Variants in EIF4ENIF1 observed in about 807,000 individuals in gnomAD.
The protein encoded by EIF4ENIF1 is eukaryotic translation initiation factor 4E transporter.
EIF4ENIF1 carries 23 observed loss-of-function variants against 110.5 expected under a neutral mutation model. The observed-to-expected ratio is 0.21, with a 90% CI of 0.15 to 0.29. EIF4ENIF1 has a LOEUF of 0.29. Ranked by LOEUF, EIF4ENIF1 falls within the 10% of genes least tolerant of loss-of-function variation. The pLI is 1.00. For synonymous variants in EIF4ENIF1, 440 were observed against 437.0 expected (o/e 1.01, Z -0.09); for missense variants, 1,031 against 1,221.1 (o/e 0.84, Z 2.32).
chr22:31,475,567 C>T (rs2051540520), intron 2 of EIF4ENIF1, among the ~76,000 whole-genome samples: 1 of 152,034 alleles, frequency 6.6e-6, no homozygotes, highest in Non-Finnish European at 1.5e-5. Context: ...GCCTGGCCAA[C>T]ATGGTGAAAC....
chr22:31,458,697 C>G, intron 6 of EIF4ENIF1, 47 bp from the exon 7 acceptor site: 1 of 1,492,676 alleles, frequency 6.7e-7, no homozygotes, highest in African/African-American at 1.4e-5. Context: ...TAAATCACTC[C>G]AGTGTCCCTC....
At chr22:31,468,062 G>T in intron 4 of EIF4ENIF1, 113 bp downstream of exon 4, 1 of 1,454,164 alleles carries the variant, frequency 6.9e-7, no homozygotes, top group Non-Finnish European at 9.3e-7. Context: ...TCAGTTTCCT[G>T]ATAATGACAT....
At chr22:31,473,035 G>GT (rs1009614593) in intron 2 of EIF4ENIF1, among the ~76,000 whole-genome samples, 24 of 141,284 alleles carry the variant, frequency 1.7e-4, no homozygotes, top group Non-Finnish European at 3.7e-4. Context: ...ACGAAGCCAA[G>GT]TTTTTTTGGC....
intron 7 of EIF4ENIF1, among the ~76,000 whole-genome samples, chr22:31,456,323 A>C (rs1328918355): frequency 3.4e-5 from 5 of 149,190 alleles, no homozygotes; most frequent in South Asian, 4.2e-4. Flanking sequence ...TCCCGGGTTC[A>C]CACCATTCTC....
In EIF4ENIF1 at chr22:31,447,421, T is replaced by A; in HGVS notation, c.1988+5A>T. 1.2e-6 allele frequency: 2 copies of A among 1,608,658 alleles called. No individual in the cohort carries two copies. Among genetic ancestry groups the A allele is most frequent in the Non-Finnish European group, 1.7e-6 (2 of 1,178,966 alleles). Reference sequence around the variant, plus strand: ...ATCTCCACATGAGCAGGATTAGTAATTTACCTGTTTCTGAATCCATCTCTG... The same window carrying A: ...ATCTCCACATGAGCAGGATTAGTAAATTACCTGTTTCTGAATCCATCTCTG... On this transcript the variant is annotated splice_donor_5th_base_variant and intron_variant, in intron 14 of 18. Coordinates refer to ENST00000330125, the MANE Select transcript of EIF4ENIF1 (RefSeq NM_019843.4).
At chr22:31,464,967 A>G (rs1256581805) in intron 4 of EIF4ENIF1, among the ~76,000 whole-genome samples, 1 of 151,726 alleles carries the variant, frequency 6.6e-6, no homozygotes, top group African/African-American at 2.4e-5. Context: ...AAGACAAGCC[A>G]CAGACTGAGA....
chr22:31,465,505 A>T (rs2051155400), intron 4 of EIF4ENIF1, among the ~76,000 whole-genome samples: 1 of 152,196 alleles, frequency 6.6e-6, no homozygotes, highest in Non-Finnish European at 1.5e-5. Context: ...AATGGCTAAA[A>T]TTTAAATGAC....
chr22:31,447,465 T>C lies in EIF4ENIF1; in HGVS notation c.1949A>G (p.Lys650Arg), dbSNP rs2050510948. ...ATCTCTGGTTCTGTCCACCTGTGGT[T>C]TGCCAAAACCAGGCTGGTAGAAGTT... ...AANFYQPGFG[K>R]PQVDRTRDGF... is the part of the protein sequence containing the mutation. Residue 650 changes from lysine to arginine, a missense_variant, in exon 14 of 19, where the codon AAA (lysine) becomes AGA (arginine). By Grantham distance (26) the Lys-to-Arg change is conservative. This residue lies in a region of EIF4ENIF1 where 704 missense variants were observed against 879.7 expected (regional missense o/e 0.80). Transcript: ENST00000330125. The C allele has an allele frequency of 1.2e-5, 19 of 1,613,540 alleles. No individual in the cohort carries two copies. Among genetic ancestry groups the C allele is most frequent in the Non-Finnish European group, 1.5e-5 (18 of 1,179,878 alleles).
At chr22:31,473,734 A>G (rs945238580) in intron 2 of EIF4ENIF1, among the ~76,000 whole-genome samples, 2 of 152,170 alleles carry the variant, frequency 1.3e-5, no homozygotes, top group African/African-American at 2.4e-5. Flanking sequence ...TCTGTCCTTT[A>G]TCTATGGTGC....
intron 4 of EIF4ENIF1, among the ~76,000 whole-genome samples, chr22:31,466,638 G>A (rs1191521385): frequency 8.1e-6 from 1 of 124,194 alleles, no homozygotes; most frequent in African/African-American, 3.1e-5. Flanking sequence ...AGGGGGAAGT[G>A]TTGTGGGGGG....
In EIF4ENIF1 at chr22:31,441,854, T is replaced by C. The variant is rs1273489678; in HGVS notation, c.2471A>G (p.His824Arg). 1 of 1,614,112 alleles carries C rather than the reference T, an allele frequency of 6.2e-7. No homozygotes were observed. The highest frequency in any genetic ancestry group is 1.1e-5 in the South Asian group (1 of 91,082). ...CTGTACCAACCCTGGGTGAAGCTGGTGAGCAGGCCTAACCATAGGGACATG... is the reference window on the plus strand; with the variant it reads ...CTGTACCAACCCTGGGTGAAGCTGGCGAGCAGGCCTAACCATAGGGACATG... Reference protein sequence around the residue: ...VPHVPMVRPAHQLHPGLVQRM... With the variant: ...VPHVPMVRPARQLHPGLVQRM... The change falls in exon 17 of 19, where the codon CAC becomes CGC. Residue 824 changes from histidine to arginine, a missense_variant. By Grantham distance (29) the His-to-Arg change is conservative (BLOSUM62 0). Around this residue, in one of 3 missense-constraint regions of EIF4ENIF1, gnomAD observed 309 missense variants for 299.1 expected, o/e 1.03. Coordinates refer to ENST00000330125, the MANE Select transcript of EIF4ENIF1 (RefSeq NM_019843.4).
At chr22:31,493,068 C>G (rs1051910872), upstream of EIF4ENIF1, among the ~76,000 whole-genome samples, 2 of 151,020 alleles carry the variant, frequency 1.3e-5, no homozygotes, top group Middle Eastern at 3.4e-3. Context: ...GAGTCTCGCT[C>G]TGTCGTCCAG....
downstream of EIF4ENIF1, among the ~76,000 whole-genome samples, chr22:31,438,214 A>G (rs12628465): frequency 0.036 from 5,509 of 152,276 alleles, 436 homozygotes; most frequent in East Asian, 0.34. Context: ...AACTCTGGTA[A>G]ATTAACTTGA....
chr22:31,470,685 CTTT>C (rs1174357066), intron 3 of EIF4ENIF1, among the ~76,000 whole-genome samples: 10 of 122,072 alleles, frequency 8.2e-5, no homozygotes, highest in African/African-American at 1.2e-4. Flanking sequence ...TTAAATAGGA[CTTT>C]TTTTTTTTTT....
At chr22:31,470,613 A>G (rs1167228181) in intron 3 of EIF4ENIF1, among the ~76,000 whole-genome samples, 1 of 150,548 alleles carries the variant, frequency 6.6e-6, no homozygotes, top group Non-Finnish European at 1.5e-5. Context: ...GATGGTTTAT[A>G]TTAGTATTAG....
At chr22:31,447,920 T>C (rs1374974790) in intron 13 of EIF4ENIF1, among the ~76,000 whole-genome samples, 3 of 152,148 alleles carry the variant, frequency 2.0e-5, no homozygotes, top group Non-Finnish European at 4.4e-5. Flanking sequence ...GCCTCCTGTG[T>C]AGCTGGGACT....
At chr22:31,463,992 G>A (rs2051088491) in intron 4 of EIF4ENIF1, 25 bp from the exon 5 acceptor site, 1 of 1,597,396 alleles carries the variant, frequency 6.3e-7, no homozygotes, top group African/African-American at 1.3e-5. Flanking sequence ...GAAAGACAAA[G>A]TTAAACAAAC....
At chr22:31,467,841 C>T (rs137973646) in intron 4 of EIF4ENIF1, among the ~76,000 whole-genome samples, 48 of 152,094 alleles carry the variant, frequency 3.2e-4, no homozygotes, top group African/African-American at 1.1e-3. Flanking sequence ...TAATTTATAC[C>T]GGAGGACTGG....
chr22:31,444,056 T>C (rs2050387145), intron 15 of EIF4ENIF1, among the ~76,000 whole-genome samples: 1 of 152,142 alleles, frequency 6.6e-6, no homozygotes, highest in Non-Finnish European at 1.5e-5. Context: ...CCTCGGCCTC[T>C]GAAAGTCCTG....
Sources: gnomAD v4.1 joint callset for allele counts (sites outside exome capture counted in the v4.1 genomes callset) on GRCh38, gnomAD v4.1.1 for gene constraint, gnomAD v4.1.1 regional missense constraint, MANE v1.5 for transcripts, NCBI Gene and HGNC (gene_info 2026-07-23, HGNC 2026-07-21) for gene names.